APBB2: variants seen among roughly 807,000 people sequenced by gnomAD.
APBB2 encodes the protein Fe65-like 1.
APBB2 carries 38 observed loss-of-function variants against 82.5 expected under a neutral mutation model. That is an observed-to-expected ratio of 0.46 (90% CI 0.36 to 0.60). The LOEUF (loss-of-function observed/expected upper bound fraction) is 0.60. Ranked by LOEUF, APBB2 falls within the 20% of genes least tolerant of loss-of-function variation. The pLI is 0.00. For synonymous variants in APBB2, 341 were observed against 368.2 expected, an observed-to-expected ratio of 0.93 and a Z score of 0.85; for missense variants, 772 against 972.3, an observed-to-expected ratio of 0.79 and a Z score of 2.74.
At chr4:41,133,606 GC>G in intron 2 of APBB2, among the ~76,000 whole-genome samples, 1 of 152,144 alleles carries the variant, frequency 6.6e-6, no homozygotes, top group Non-Finnish European at 1.5e-5. Context: ...TGTCTAAGAG[GC>G]AGACACAGCG....
rs540450421 is a variant in APBB2, at chr4:40,813,266, A to G, written c.*2826T>C. ...CCAGGAAAGATAATACATTAACACA[A>G]TAATGCAGTATATTTCAGTAAAAAT... On this transcript the variant is annotated 3_prime_UTR_variant, in exon 18 of 18. Transcript: ENST00000508593. 1 of 152,370 alleles carries G rather than the reference A, an allele frequency of 6.6e-6. No homozygotes were observed. The highest frequency in any genetic ancestry group is 2.1e-4 in the South Asian group (1 of 4,828). 9.4% of individuals were successfully genotyped at this position (152,370 alleles called of 1,614,324 possible). A position where few individuals can be genotyped will look rare whatever the true frequency, so the allele number is the denominator to read the frequency against.
intron 1 of APBB2, among the ~76,000 whole-genome samples, chr4:41,150,939 A>G (rs62409966): frequency 0.049 from 7,502 of 152,048 alleles, 407 homozygotes; most frequent in African/African-American, 0.14. Flanking sequence ...CAGTTTCACT[A>G]TTTGGCCAGG....
At chr4:41,082,087 G>A (rs1172489409) in intron 3 of APBB2, among the ~76,000 whole-genome samples, 1 of 152,126 alleles carries the variant, frequency 6.6e-6, no homozygotes, top group South Asian at 2.1e-4. Context: ...GACAAACATT[G>A]GATCACAGGA....
chr4:40,842,567 T>C (rs952723751), intron 12 of APBB2: 1 of 231,706 alleles, frequency 4.3e-6, no homozygotes, highest in Non-Finnish European at 9.2e-6. Flanking sequence ...AAGTGTGTAT[T>C]TTGAGCCACA....
At chr4:41,156,718 T>G (rs919191859) in intron 1 of APBB2, among the ~76,000 whole-genome samples, 1 of 152,212 alleles carries the variant, frequency 6.6e-6, no homozygotes, top group Non-Finnish European at 1.5e-5. Flanking sequence ...GTTCCTTATC[T>G]GTGTGATCTT....
chr4:40,911,627 G>A (rs1485944033), intron 10 of APBB2, among the ~76,000 whole-genome samples: 1 of 152,158 alleles, frequency 6.6e-6, no homozygotes, highest in Non-Finnish European at 1.5e-5. Flanking sequence ...CTTATCAGGA[G>A]CGCCATCATA....
chr4:40,991,002 C>G (rs1283062494), intron 6 of APBB2, among the ~76,000 whole-genome samples: 11 of 88,080 alleles, frequency 1.2e-4, no homozygotes, highest in Non-Finnish European at 2.5e-4. Context: ...TCATTTTGGA[C>G]TGAGTTTCAT....
At chr4:41,079,999 A>G (rs920306298) in intron 3 of APBB2, among the ~76,000 whole-genome samples, 4 of 152,230 alleles carry the variant, frequency 2.6e-5, no homozygotes, top group Admixed American at 6.5e-5. Flanking sequence ...AGACATGCTC[A>G]GATTCTTACT....
intron 6 of APBB2, among the ~76,000 whole-genome samples, chr4:40,998,092 A>G (rs1328198998): frequency 6.6e-6 from 1 of 152,246 alleles, no homozygotes; most frequent in African/African-American, 2.4e-5. Context: ...AAGGAAAACA[A>G]CTGACACTAT....
intron 12 of APBB2, among the ~76,000 whole-genome samples, chr4:40,840,646 A>G (rs1395324453): frequency 1.3e-5 from 2 of 152,192 alleles, no homozygotes; most frequent in African/African-American, 4.8e-5. Flanking sequence ...CGAAAGGAGT[A>G]TCCCAGGTAC....
At chr4:40,946,226 T>C (rs2154381216) in intron 6 of APBB2, among the ~76,000 whole-genome samples, 1 of 53,980 alleles carries the variant, frequency 1.9e-5, no homozygotes. Flanking sequence ...AGTGAGACTC[T>C]ATCTCCAAAA....
chr4:40,856,115 A>G (rs1761110953), intron 12 of APBB2, among the ~76,000 whole-genome samples: 1 of 152,246 alleles, frequency 6.6e-6, no homozygotes, highest in Non-Finnish European at 1.5e-5. Flanking sequence ...CAGCATGAGG[A>G]AAGCAGGCAG....
Position 40,832,013 on chromosome 4 carries a change from T to TACACACACACAA in APBB2, c.1530-1437_1530-1436insTTGTGTGTGTGT, listed in dbSNP as rs1752140799. On this transcript the variant is annotated intron_variant, in intron 12 of 17. Transcript: ENST00000508593. This position sits in a 1 kb window ranked among gnomAD's most constrained non-coding sequence, Gnocchi z 4.8. ...ACACATATTTATATATTTATTTATA[T>TACACACACACAA]ACACACACACACACACACACACACA... Among the ~76,000 whole-genome samples, 1 of 138,980 alleles carries TACACACACACAA rather than the reference T, an allele frequency of 7.2e-6. No individual in the cohort carries two copies. The highest frequency in any genetic ancestry group is 2.7e-5 in the African/African-American group (1 of 37,136). 91.2% of individuals were successfully genotyped at this position (138,980 alleles called of 152,430 possible). A position where few individuals can be genotyped will look rare whatever the true frequency, so the allele number is the denominator to read the frequency against.
At chr4:41,087,595 A>ATT (rs879415133) in intron 3 of APBB2, among the ~76,000 whole-genome samples, 1 of 144,930 alleles carries the variant, frequency 6.9e-6, no homozygotes, top group Non-Finnish European at 1.5e-5. Context: ...TGACTGGCTA[A>ATT]TTTTTTTTTT....
At chr4:40,908,136 G>A (rs2154361315) in intron 10 of APBB2, among the ~76,000 whole-genome samples, 1 of 152,008 alleles carries the variant, frequency 6.6e-6, no homozygotes, top group East Asian at 1.9e-4. Flanking sequence ...AGACAGCAGG[G>A]AGGCGCCCAC....
chr4:41,138,689 G>A (rs549976815), intron 2 of APBB2, among the ~76,000 whole-genome samples: 1 of 152,198 alleles, frequency 6.6e-6, no homozygotes, highest in East Asian at 1.9e-4. Flanking sequence ...GATTTCACTA[G>A]AAACTCCAAA....
rs1560449657 is a variant in APBB2, at chr4:40,982,408, A to AGGAAAGGAAAG, written c.835+31174_835+31175insCTTTCCTTTCC. 4.0e-4 allele frequency among the ~76,000 whole-genome samples: 37 copies of AGGAAAGGAAAG among 91,690 alleles called. 1 individual carries two copies. Among genetic ancestry groups the AGGAAAGGAAAG allele is most frequent in the African/African-American group, 1.6e-3 (34 of 21,522 alleles). The allele number at this position is 91,690 out of a possible 152,430, so 60.2% of individuals were successfully genotyped here. ...GAAGGAAGGAAAGGAAAGGAAAGAA[A>AGGAAAGGAAAG]GAAAGAAAGAAAGAAAGAAAGAAAG... On this transcript the variant is annotated intron_variant, in intron 6 of 17. Transcript: ENST00000508593.
intron 12 of APBB2, chr4:40,881,020 C>T (rs139768028): frequency 4.7e-4 from 467 of 985,416 alleles, no homozygotes; most frequent in Non-Finnish European, 5.5e-4. Flanking sequence ...CTTACGATGT[C>T]TTTCCTTAAA....
At chr4:40,839,945 A>G (rs74960302) in intron 12 of APBB2, among the ~76,000 whole-genome samples, 56 of 152,332 alleles carry the variant, frequency 3.7e-4, no homozygotes, top group African/African-American at 1.3e-3. Context: ...GATTACAGGC[A>G]TGAGCCATTG....
Sources: gnomAD v4.1 joint callset for allele counts (sites outside exome capture counted in the v4.1 genomes callset) on GRCh38, gnomAD v4.1.1 for gene constraint, Gnocchi (gnomAD v3.1) non-coding constraint, MANE v1.5 for transcripts, NCBI Gene and HGNC (gene_info 2026-07-23, HGNC 2026-07-21) for gene names.